DCPS: variants seen among roughly 807,000 people sequenced by gnomAD.
DCPS encodes decapping enzyme, scavenger.
DCPS carries 27 observed loss-of-function variants against 34.7 expected under a neutral mutation model. That is an observed-to-expected ratio of 0.78 (90% CI 0.57 to 1.07). The LOEUF (loss-of-function observed/expected upper bound fraction) is 1.07, where lower values mean the gene tolerates loss of function less well. Ranked by LOEUF, DCPS falls within the 50% of genes least tolerant of loss-of-function variation. The pLI is 0.00. For synonymous variants in DCPS, 185 were observed against 185.7 expected, an observed-to-expected ratio of 1.00 and a Z score of 0.03; for missense variants, 464 against 436.9, an observed-to-expected ratio of 1.06 and a Z score of -0.55.
chr11:126,311,266 A>G (rs1951616730), intron 2 of DCPS, among the ~76,000 whole-genome samples: 1 of 152,260 alleles, frequency 6.6e-6, no homozygotes, highest in East Asian at 1.9e-4. Flanking sequence ...GCCAGTGCTG[A>G]GAACAAGCCT....
chr11:126,307,329 T>C (rs1951578237), intron 2 of DCPS, among the ~76,000 whole-genome samples: 1 of 140,436 alleles, frequency 7.1e-6, no homozygotes, highest in Non-Finnish European at 1.6e-5. Context: ...CAAAACCCTA[T>C]CTCAAAAAAA....
intron 4 of DCPS, chr11:126,341,217 C>G (rs1458507023): frequency 6.6e-6 from 1 of 152,258 alleles, no homozygotes; most frequent in East Asian, 1.9e-4. Flanking sequence ...TCCAGCAATT[C>G]TCTTTCTTCC....
In DCPS at chr11:126,345,237, C is replaced by G; in HGVS notation, c.748-110C>G. 3 of 1,473,186 alleles carry G rather than the reference C, an allele frequency of 2.0e-6. No homozygotes were observed. The South Asian group carries it at 3.8e-5, about 19-fold the overall frequency. The allele number at this position is 1,473,186 out of a possible 1,614,324, so 91.3% of individuals were successfully genotyped here. A position where few individuals can be genotyped will look rare whatever the true frequency, so the allele number is the denominator to read the frequency against. ...GAGCTGTTTGGAGGGTTTTTGTGAG[C>G]TGTCCCAGGCCAATCCAGGATTCAG... On this transcript the variant is annotated intron_variant, in intron 5 of 5. Coordinates refer to ENST00000263579, the MANE Select transcript of DCPS (RefSeq NM_014026.6). This position sits in a 1 kb window ranked among gnomAD's most constrained non-coding sequence, Gnocchi z 7.4.
rs1565380894 is a variant in DCPS, at chr11:126,343,355, T to C, written c.685T>C (p.Ser229Pro). ...IAICHRRGIR[S>P]LRDLTPEHLP... The stretch of plus-strand genomic sequence containing the variant: ...CATCTGCCATCGCCGGGGCATCAGA[T>C]CCCTACGCGACCTTACTCCGGAGCA... Residue 229 changes from serine to proline, a missense_variant, in exon 5 of 6, where the codon TCC becomes CCC. By Grantham distance (74) the Ser-to-Pro change is moderately conservative. Coordinates refer to ENST00000263579, the MANE Select transcript of DCPS (RefSeq NM_014026.6). The C allele has an allele frequency of 1.2e-6, 2 of 1,614,016 alleles. No homozygotes were observed. The highest frequency in any genetic ancestry group is 1.7e-6 in the Non-Finnish European group (2 of 1,179,982).
rs185140330 is a variant in DCPS at position 126,338,577 on chromosome 11, T to G, written c.636+178T>G. Among the ~76,000 whole-genome samples, 1 of 152,344 alleles carries G rather than the reference T, an allele frequency of 6.6e-6. No individual in the cohort carries two copies. The highest frequency in any genetic ancestry group is 1.5e-5 in the Non-Finnish European group (1 of 68,034). On this transcript the variant is annotated intron_variant, in intron 4 of 5. Coordinates refer to ENST00000263579, the MANE Select transcript of DCPS (RefSeq NM_014026.6). The surrounding 1 kb of genome is among the most constrained non-coding windows in gnomAD (Gnocchi z 5.4). ...GATACCTGTCATACATAAGTGCTTT[T>G]GCTTTAATGGGTCAGCTTAAAGCCC... is the stretch of plus-strand genomic sequence containing the variant.
In DCPS at chr11:126,338,056, A is replaced by G; in HGVS notation, c.523-230A>G. On this transcript the variant is annotated intron_variant, in intron 3 of 5. Coordinates refer to ENST00000263579, the MANE Select transcript of DCPS (RefSeq NM_014026.6). This position sits in a 1 kb window ranked among gnomAD's most constrained non-coding sequence, Gnocchi z 5.4. ...CCAAGCTGCAGAGACCCTTGTGATGACGCATGGCTGAGTGCCAGCTGGAGT... is the reference window on the plus strand; with the variant it reads ...CCAAGCTGCAGAGACCCTTGTGATGGCGCATGGCTGAGTGCCAGCTGGAGT... 1.8e-6 allele frequency: 1 copy of G among 550,128 alleles called. No homozygotes were observed. Among genetic ancestry groups the G allele is most frequent in the Non-Finnish European group, 3.3e-6 (1 of 305,546 alleles). 34.1% of individuals were successfully genotyped at this position (550,128 alleles called of 1,614,324 possible). A position where few individuals can be genotyped will look rare whatever the true frequency, so the allele number is the denominator to read the frequency against.
At chr11:126,330,007 A>G (rs1421874676) in intron 2 of DCPS, among the ~76,000 whole-genome samples, 2 of 152,178 alleles carry the variant, frequency 1.3e-5, no homozygotes, top group East Asian at 1.9e-4. Context: ...ATGTTAAAAC[A>G]CAATGTATAC....
Position 126,304,266 on chromosome 11 carries a change from T to A in DCPS, c.186T>A (p.Ile62=). The part of the protein sequence containing the change: ...VLRESARDKI[I]FLHGKVNEAS... ...GGGAGTCTGCGCGGGACAAAATCAT[T>A]TTCCTACACGGGAAGGTACCAGGAG... The change falls in exon 1 of 6, where the codon ATT becomes ATA. Residue 62 remains isoleucine, a synonymous_variant. Transcript: ENST00000263579. 6.2e-7 allele frequency: 1 copy of A among 1,614,054 alleles called. No individual in the cohort carries two copies.
Position 126,328,234 on chromosome 11 carries a change from CGTA to C in DCPS, c.377-3168_377-3166del, listed in dbSNP as rs1951755133. Among the ~76,000 whole-genome samples, 1 of 152,112 alleles carries C rather than the reference CGTA, an allele frequency of 6.6e-6. No individual in the cohort carries two copies. The highest frequency in any genetic ancestry group is 1.5e-5 in the Non-Finnish European group (1 of 68,028). On this transcript the variant is annotated intron_variant, in intron 2 of 5. Transcript: ENST00000263579. This position sits in a 1 kb window ranked among gnomAD's most constrained non-coding sequence, Gnocchi z 6.6. ...GCCAGGGCGAGGTGACCAACAGCCT[CGTA>C]GTCCACGGCAGGAAGCGCGGGAGCT...
chr11:126,336,102 C>T lies in DCPS; in HGVS notation c.523-2184C>T, dbSNP rs1951830578. 8.3e-6 allele frequency among the ~76,000 whole-genome samples: 1 copy of T among 120,220 alleles called. No individual in the cohort carries two copies. Among genetic ancestry groups the T allele is most frequent in the Non-Finnish European group, 1.6e-5 (1 of 60,972 alleles). 78.9% of individuals were successfully genotyped at this position (120,220 alleles called of 152,430 possible). On this transcript the variant is annotated intron_variant, in intron 3 of 5. Coordinates refer to ENST00000263579, the MANE Select transcript of DCPS (RefSeq NM_014026.6). This position sits in a 1 kb window ranked among gnomAD's most constrained non-coding sequence, Gnocchi z 6.3. ...CTGCACTCTAGTCTGGGCGAAAGAG[C>T]AAGACTCCATCTCAAAAAAAAAAAA...
At position 126,345,702 on chromosome 11, in the gene DCPS, GT is replaced by G. The variant is rs1289198646; in HGVS notation, c.*90del. 10 of 1,539,408 alleles carry G rather than the reference GT, an allele frequency of 6.5e-6. No homozygotes were observed. The African/African-American group carries it at 1.4e-4, about 21-fold the overall frequency. ...ATCTCCAAGTGAATTTTCTAAAAAT[GT>G]ATTTTATACCGGCTTATTCCTAGTA... On this transcript the variant is annotated 3_prime_UTR_variant, in exon 6 of 6. Coordinates refer to ENST00000263579, the MANE Select transcript of DCPS (RefSeq NM_014026.6). The surrounding 1 kb of genome is among the most constrained non-coding windows in gnomAD (Gnocchi z 7.4).
In DCPS at chr11:126,335,239, C is replaced by A. The variant is rs1951823804; in HGVS notation, c.523-3047C>A. On this transcript the variant is annotated intron_variant, in intron 3 of 5. Transcript: ENST00000263579. The surrounding 1 kb of genome is among the most constrained non-coding windows in gnomAD (Gnocchi z 4.8). Reference sequence around the variant, plus strand: ...AGGAGCAAGATGTCTCACGGGAGGTCAAGGCGGGAGAGAGGGTACCGAGGG... The same window carrying A: ...AGGAGCAAGATGTCTCACGGGAGGTAAAGGCGGGAGAGAGGGTACCGAGGG... 6.6e-6 allele frequency among the ~76,000 whole-genome samples: 1 copy of A among 152,204 alleles called. No homozygotes were observed. The highest frequency in any genetic ancestry group is 2.4e-5 in the African/African-American group (1 of 41,462).
At chr11:126,330,625 G>A (rs1384162102) in intron 2 of DCPS, among the ~76,000 whole-genome samples, 2 of 145,586 alleles carry the variant, frequency 1.4e-5, no homozygotes, top group African/African-American at 2.5e-5. Flanking sequence ...TGCAGAGTCT[G>A]TGCCTGGAAC....
intron 1 of DCPS, among the ~76,000 whole-genome samples, chr11:126,305,437 T>TTTTTTTCA (rs1951556086): frequency 7.4e-6 from 1 of 135,622 alleles, no homozygotes; most frequent in Non-Finnish European, 1.6e-5. Context: ...TTTTTTTTTT[T>TTTTTTTCA]GAGATGGAGT....
At position 126,333,162 on chromosome 11, in the gene DCPS, T is replaced by C. The variant is rs1315151360; in HGVS notation, c.522+1612T>C. Among the ~76,000 whole-genome samples the C allele has an allele frequency of 7.2e-5, 11 of 152,218 alleles. No homozygotes were observed. Among genetic ancestry groups the C allele is most frequent in the Non-Finnish European group, 1.3e-4 (9 of 68,042 alleles). ...CTGGCCATGTATATTCCTTATTATA[T>C]ACCATTATGCAGTTCCATTCGGAGA... On this transcript the variant is annotated intron_variant, in intron 3 of 5. Coordinates refer to ENST00000263579, the MANE Select transcript of DCPS (RefSeq NM_014026.6). The surrounding 1 kb of genome is among the most constrained non-coding windows in gnomAD (Gnocchi z 5.7).
intron 2 of DCPS, among the ~76,000 whole-genome samples, chr11:126,308,691 C>A (rs1391380503): frequency 6.6e-6 from 1 of 152,192 alleles, no homozygotes; most frequent in African/African-American, 2.4e-5. Context: ...ATTTTACTGC[C>A]ACACCCTTTC....
chr11:126,333,106 G>A lies in DCPS; in HGVS notation c.522+1556G>A, dbSNP rs1416384524. The stretch of plus-strand genomic sequence containing the variant: ...AGTCCGCCTGTCTTGGCCTCCCAAA[G>A]TGCTAGGATTACAGGTGTGAGCCAC... On this transcript the variant is annotated intron_variant, in intron 3 of 5. Coordinates refer to ENST00000263579, the MANE Select transcript of DCPS (RefSeq NM_014026.6). This position sits in a 1 kb window ranked among gnomAD's most constrained non-coding sequence, Gnocchi z 5.7. 6.6e-6 allele frequency among the ~76,000 whole-genome samples: 1 copy of A among 152,192 alleles called. No individual in the cohort carries two copies. Among genetic ancestry groups the A allele is most frequent in the Non-Finnish European group, 1.5e-5 (1 of 68,044 alleles).
chr11:126,308,220 T>C (rs1951589721), intron 2 of DCPS, among the ~76,000 whole-genome samples: 1 of 152,170 alleles, frequency 6.6e-6, no homozygotes, highest in African/African-American at 2.4e-5. Flanking sequence ...GAAACATGAG[T>C]GAGACTGGTT....
In DCPS at chr11:126,325,707, T is replaced by TA. The variant is rs1349327167; in HGVS notation, c.377-5693dup. On this transcript the variant is annotated intron_variant, in intron 2 of 5. Coordinates refer to ENST00000263579, the MANE Select transcript of DCPS (RefSeq NM_014026.6). This position sits in a 1 kb window ranked among gnomAD's most constrained non-coding sequence, Gnocchi z 4.3. Reference sequence around the variant, plus strand: ...TGAATTAAAAAGACAAACACAGTGTTAAAAAGCATGACAGGGGAACTCTGT... The same window carrying TA: ...TGAATTAAAAAGACAAACACAGTGTTAAAAAAGCATGACAGGGGAACTCTGT... Among the ~76,000 whole-genome samples, 1 of 152,174 alleles carries TA rather than the reference T, an allele frequency of 6.6e-6. No homozygotes were observed. The highest frequency in any genetic ancestry group is 1.5e-5 in the Non-Finnish European group (1 of 68,032).
Sources: gnomAD v4.1 joint callset for allele counts (sites outside exome capture counted in the v4.1 genomes callset) on GRCh38, gnomAD v4.1.1 for gene constraint, Gnocchi (gnomAD v3.1) non-coding constraint, MANE v1.5 for transcripts, NCBI Gene and HGNC (gene_info 2026-07-23, HGNC 2026-07-21) for gene names.